ETFB: variants seen among roughly 807,000 people sequenced by gnomAD.
ETFB encodes beta-ETF.
Under a neutral mutation model 25.6 loss-of-function variants are expected in ETFB, and 20 were observed. The ratio of observed to expected loss-of-function variants is 0.78; its 90% CI spans 0.55 to 1.14. The LOEUF (loss-of-function observed/expected upper bound fraction) is 1.14. Ranked by LOEUF, ETFB falls within the 50% of genes most tolerant of loss-of-function variation. ETFB has a pLI of 0.00. For missense variants in ETFB, 286 were observed against 342.6 expected (o/e 0.83, Z 1.30); for synonymous variants, 142 against 146.7 (o/e 0.97, Z 0.23).
At chr19:51,351,047 C>T (rs10413706) in intron 3 of ETFB, among the ~76,000 whole-genome samples, 132,322 of 152,254 alleles carry the variant, frequency 0.87, 58,050 homozygotes, top group African/African-American at 0.94. Context: ...TGTGGGGCCA[C>T]CTGGCATCCC....
rs1387578132 is a variant in ETFB, at chr19:51,360,771, TC to T, written c.57+5498del. ...CTTCTCTTTTCTTTCTCTCTTTCTC[TC>T]TCTCTCTCTCTCTCTCTTTCTCTTT... On this transcript the variant is annotated intron_variant, in intron 1 of 5. Coordinates refer to ENST00000309244, the MANE Select transcript of ETFB (RefSeq NM_001985.3). Among the ~76,000 whole-genome samples, 40 of 62,340 alleles carry T rather than the reference TC, an allele frequency of 6.4e-4. 1 individual carries two copies. The highest frequency in any genetic ancestry group is 1.6e-3 in the Admixed American group (10 of 6,404). The allele number at this position is 62,340 out of a possible 152,430, so 40.9% of individuals were successfully genotyped here.
chr19:51,362,162 TACACACACACACACACACAC>T (rs59581815), intron 1 of ETFB, among the ~76,000 whole-genome samples: 3,054 of 144,638 alleles, frequency 0.021, 93 homozygotes, highest in African/African-American at 0.074. Flanking sequence ...CGGACACACA[TACACACACACACACACACAC>T]ACACACACAC....
In ETFB at chr19:51,354,543, C is replaced by T. The variant is rs141875365; in HGVS notation, c.58-235G>A. Reference sequence around the variant, plus strand: ...ATTCCTGGGTACCAGGGACATCTGACTTGATCATCCCTACTGTTGTCACTG... The same window carrying T: ...ATTCCTGGGTACCAGGGACATCTGATTTGATCATCCCTACTGTTGTCACTG... On this transcript the variant is annotated intron_variant, in intron 1 of 5. Transcript: ENST00000309244. 9 of 1,614,240 alleles carry T rather than the reference C, an allele frequency of 5.6e-6. No homozygotes were observed. In the Middle Eastern group the frequency reaches 4.9e-4, roughly 89 times the overall value.
rs761283628 is a variant in ETFB at position 51,366,236 on chromosome 19, GA to G, written c.57+33del. The G allele has an allele frequency of 3.1e-6, 5 of 1,606,972 alleles. No homozygotes were observed. The African/African-American group carries it at 6.7e-5, about 21-fold the overall frequency. The stretch of plus-strand genomic sequence containing the variant: ...TGGCCCCGGAAGCACACGGCTGCGG[GA>G]CTCAGGGATGTGGGAGAGGGGGGCC... On this transcript the variant is annotated intron_variant, in intron 1 of 5. Coordinates refer to ENST00000309244, the MANE Select transcript of ETFB (RefSeq NM_001985.3).
Position 51,366,362 on chromosome 19 carries a change from C to G in ETFB, c.-36G>C, listed in dbSNP as rs202118581. On this transcript the variant is annotated 5_prime_UTR_variant, in exon 1 of 6. Coordinates refer to ENST00000309244, the MANE Select transcript of ETFB (RefSeq NM_001985.3). ...CAGCCACTTACAGGGTCAGCCCGCA[C>G]CCTCAGCGGCTCAGTCCAGAAGCCC... 7.5e-3 allele frequency: 11,987 copies of G among 1,605,052 alleles called. 66 individuals are homozygous for G. The highest frequency in any genetic ancestry group is 9.0e-3 in the Non-Finnish European group (10,582 of 1,175,922).
At position 51,354,071 on chromosome 19, in the gene ETFB, C is replaced by T. The variant is rs141315476; in HGVS notation, c.216+79G>A. On this transcript the variant is annotated intron_variant, in intron 2 of 5. Coordinates refer to ENST00000309244, the MANE Select transcript of ETFB (RefSeq NM_001985.3). Reference sequence around the variant, plus strand: ...GTCCAGACTTCCAGCCTCCTCCTCCCTCAGACCCAGGAGTCCAGGTCCCAG... The same window carrying T: ...GTCCAGACTTCCAGCCTCCTCCTCCTTCAGACCCAGGAGTCCAGGTCCCAG... 1,442 of 1,516,068 alleles carry T rather than the reference C, an allele frequency of 9.5e-4. 8 individuals carry two copies. The East Asian group carries it at 0.018, about 19-fold the overall frequency. 93.9% of individuals were successfully genotyped at this position (1,516,068 alleles called of 1,614,324 possible). A position where few individuals can be genotyped will look rare whatever the true frequency, so the allele number is the denominator to read the frequency against.
intron 1 of ETFB, chr19:51,354,539 C>G (rs1317083500): frequency 1.9e-6 from 3 of 1,614,118 alleles, no homozygotes; most frequent in South Asian, 1.1e-5. Context: ...CCAGGGACAT[C>G]TGACTTGATC....
intron 1 of ETFB, among the ~76,000 whole-genome samples, chr19:51,364,637 AC>A (rs1423552187): frequency 6.6e-6 from 1 of 152,216 alleles, no homozygotes; most frequent in Non-Finnish European, 1.5e-5. Context: ...CAAAGATGTG[AC>A]AGTAACGAAC....
intron 3 of ETFB, 48 bp downstream of exon 3, chr19:51,353,084 C>T (rs1445333949): frequency 6.2e-7 from 1 of 1,611,028 alleles, no homozygotes; most frequent in South Asian, 1.1e-5. Context: ...CACCCTCCTC[C>T]CGAGCAGGGA....
chr19:51,345,604 C>G, intron 5 of ETFB: 1 of 587,988 alleles, frequency 1.7e-6, no homozygotes. Flanking sequence ...CAGCAGTCCT[C>G]CTTTAGGTAA....
chr19:51,358,525 G>A (rs1028370772), intron 1 of ETFB, among the ~76,000 whole-genome samples: 1 of 152,092 alleles, frequency 6.6e-6, no homozygotes, highest in African/African-American at 2.4e-5. Flanking sequence ...ACAGCTGGGC[G>A]TGGTGGCTCA....
At chr19:51,349,657 C>T (rs1369074209) in intron 4 of ETFB, among the ~76,000 whole-genome samples, 1 of 151,918 alleles carries the variant, frequency 6.6e-6, no homozygotes, top group Admixed American at 6.6e-5. Flanking sequence ...GTTGCCAAGG[C>T]TGGTCTCGAA....
chr19:51,351,653 G>A lies in ETFB; in HGVS notation c.376-1262C>T, dbSNP rs11672684. Among the ~76,000 whole-genome samples the A allele has an allele frequency of 5.8e-3, 878 of 152,342 alleles. 8 individuals carry two copies. Among genetic ancestry groups the A allele is most frequent in the Non-Finnish European group, 0.01 (703 of 68,032 alleles). ...GCCCTGCCTTTTTGGCCTGTTCTCC[G>A]GGTAGGCCCTTCGGCCACAGTTGAC... On this transcript the variant is annotated intron_variant, in intron 3 of 5. Transcript: ENST00000309244.
rs796693382 is a variant in ETFB at position 51,362,158 on chromosome 19, C to CACAT, written c.57+4108_57+4111dup. ...CCAGAAACATACACACAGCCGGACA[C>CACAT]ACATACACACACACACACACACACA... is the stretch of plus-strand genomic sequence containing the variant. On this transcript the variant is annotated intron_variant, in intron 1 of 5. Coordinates refer to ENST00000309244, the MANE Select transcript of ETFB (RefSeq NM_001985.3). Among the ~76,000 whole-genome samples the CACAT allele has an allele frequency of 2.9e-4, 25 of 86,274 alleles. 1 individual carries two copies. Among genetic ancestry groups the CACAT allele is most frequent in the South Asian group, 3.5e-4 (1 of 2,860 alleles). 56.6% of individuals were successfully genotyped at this position (86,274 alleles called of 152,430 possible).
At chr19:51,364,443 C>G (rs969989113) in intron 1 of ETFB, among the ~76,000 whole-genome samples, 2 of 152,180 alleles carry the variant, frequency 1.3e-5, no homozygotes, top group African/African-American at 4.8e-5. Flanking sequence ...CGCTTCCCCT[C>G]TGTTCTCTCC....
chr19:51,348,991 G>A (rs187286581), intron 4 of ETFB, among the ~76,000 whole-genome samples: 4 of 152,278 alleles, frequency 2.6e-5, no homozygotes, highest in African/African-American at 9.6e-5. Flanking sequence ...TCAGTTTTCC[G>A]ATGATGTGAC....
chr19:51,347,110 C>T (rs561512829), intron 4 of ETFB, 52 bp from the exon 5 acceptor site: 16 of 1,594,056 alleles, frequency 1.0e-5, no homozygotes, highest in Middle Eastern at 3.3e-4. Context: ...TCAGGTCCGA[C>T]CCGAGCAGTC....
intron 4 of ETFB, among the ~76,000 whole-genome samples, chr19:51,348,769 A>C (rs1477190705): frequency 6.6e-6 from 1 of 152,198 alleles, no homozygotes; most frequent in Admixed American, 6.5e-5. Context: ...GTTACTAGAA[A>C]ACTTTTAAGT....
intron 5 of ETFB, chr19:51,345,689 T>G (rs1985757019): frequency 4.5e-6 from 2 of 446,010 alleles, no homozygotes; most frequent in Non-Finnish European, 8.4e-6. Context: ...CTCAGTGGAC[T>G]TTTGGTTGAG....
Sources: gnomAD v4.1 joint callset for allele counts (sites outside exome capture counted in the v4.1 genomes callset) on GRCh38, gnomAD v4.1.1 for gene constraint, MANE v1.5 for transcripts, NCBI Gene and HGNC (gene_info 2026-07-23, HGNC 2026-07-21) for gene names.